The following EGFR variants were observed in gnomAD, a reference collection of about 807,000 sequenced individuals.
EGFR encodes epidermal growth factor receptor.
A neutral mutation model predicts 143.0 loss-of-function variants in EGFR; 58 were observed. The observed-to-expected ratio is 0.41, with a 90% CI of 0.33 to 0.50. EGFR has a LOEUF of 0.50. Ranked by LOEUF, EGFR falls within the 20% of genes least tolerant of loss-of-function variation. EGFR has a pLI of 0.39. For missense variants in EGFR, 1,307 were observed against 1,579.0 expected, an observed-to-expected ratio of 0.83 and a Z score of 2.92; for synonymous variants, 613 against 594.4, an observed-to-expected ratio of 1.03 and a Z score of -0.45.
At chr7:55,176,430 C>T (rs1440509791) in intron 19 of EGFR, among the ~76,000 whole-genome samples, 3 of 152,092 alleles carry the variant, frequency 2.0e-5, no homozygotes, top group Non-Finnish European at 4.4e-5. Flanking sequence ...ACATCTGAAG[C>T]GTCCATGGGC....
intron 1 of EGFR, among the ~76,000 whole-genome samples, chr7:55,074,881 A>G (rs1790047672): frequency 6.6e-6 from 1 of 152,246 alleles, no homozygotes; most frequent in South Asian, 2.1e-4. Context: ...ATTTTCATCC[A>G]GAATTTGAAC....
At chr7:55,199,473 T>G (rs147047529) in intron 23 of EGFR, among the ~76,000 whole-genome samples, 2 of 152,350 alleles carry the variant, frequency 1.3e-5, no homozygotes, top group East Asian at 3.9e-4. Flanking sequence ...GCCAAGTTAA[T>G]GTAAATATTA....
rs1271212238 is a variant in EGFR at position 55,019,162 on chromosome 7, G to C, written c.-116G>C. On this transcript the variant is annotated 5_prime_UTR_variant, in exon 1 of 28. Transcript: ENST00000275493. ...CCCAGACCGGACGACAGGCCACCTC[G>C]TCGGCGTCCGCCCGAGTCCCCGCCT... The C allele has an allele frequency of 3.6e-6, 3 of 837,110 alleles. No individual in the cohort carries two copies. Among genetic ancestry groups the C allele is most frequent in the Admixed American group, 2.8e-5 (1 of 35,192 alleles). The allele number at this position is 837,110 out of a possible 1,614,324, so 51.9% of individuals were successfully genotyped here. A position where few individuals can be genotyped will look rare whatever the true frequency, so the allele number is the denominator to read the frequency against.
At chr7:55,027,989 A>ATAT (rs1427050656) in intron 1 of EGFR, among the ~76,000 whole-genome samples, 80 of 73,968 alleles carry the variant, frequency 1.1e-3, no homozygotes, top group South Asian at 3.7e-3. Flanking sequence ...AAAAAAAAAA[A>ATAT]AAATATATAT....
At chr7:55,121,149 G>T (rs1420025843) in intron 1 of EGFR, among the ~76,000 whole-genome samples, 1 of 152,174 alleles carries the variant, frequency 6.6e-6, no homozygotes, top group Admixed American at 6.5e-5. Context: ...GAAAACAAGA[G>T]CTCCTCACAC....
intron 1 of EGFR, among the ~76,000 whole-genome samples, chr7:55,021,774 C>T (rs796778979): frequency 6.6e-5 from 10 of 152,266 alleles, no homozygotes; most frequent in African/African-American, 2.4e-4. Context: ...TGCCAGACAC[C>T]ATTTCATGAG....
At chr7:55,127,400 AC>A (rs1449065367) in intron 1 of EGFR, among the ~76,000 whole-genome samples, 1 of 152,134 alleles carries the variant, frequency 6.6e-6, no homozygotes, top group Non-Finnish European at 1.5e-5. Flanking sequence ...AAGTGTTACC[AC>A]ATTTTCCAAG....
intron 1 of EGFR, among the ~76,000 whole-genome samples, chr7:55,062,972 C>G (rs572788441): frequency 1.5e-3 from 232 of 152,044 alleles, no homozygotes; most frequent in Non-Finnish European, 2.8e-3. Context: ...CCACGGTTCC[C>G]TTTTTACAGG....
At chr7:55,127,422 C>G (rs911445071) in intron 1 of EGFR, among the ~76,000 whole-genome samples, 22 of 152,182 alleles carry the variant, frequency 1.4e-4, no homozygotes, top group African/African-American at 5.1e-4. Context: ...TGGGAGGCAT[C>G]TATATCCTTA....
Position 55,019,067 on chromosome 7 carries a change from C to A in EGFR, c.-211C>A, listed in dbSNP as rs987343349. 3 of 275,852 alleles carry A rather than the reference C, an allele frequency of 1.1e-5. No individual in the cohort carries two copies. The highest frequency in any genetic ancestry group is 6.6e-5 in the East Asian group (1 of 15,246). The allele number at this position is 275,852 out of a possible 1,614,324, so 17.1% of individuals were successfully genotyped here. ...GCGCGGCCGCAGCAGCCTCCGCCCCCCGCACGGTGTGAGCGCCCGACGCGG... is the reference window on the plus strand; with the variant it reads ...GCGCGGCCGCAGCAGCCTCCGCCCCACGCACGGTGTGAGCGCCCGACGCGG... On this transcript the variant is annotated 5_prime_UTR_variant, in exon 1 of 28. Transcript: ENST00000275493.
At chr7:55,194,751 A>C (rs1461642996) in intron 22 of EGFR, among the ~76,000 whole-genome samples, 1 of 152,194 alleles carries the variant, frequency 6.6e-6, no homozygotes, top group Non-Finnish European at 1.5e-5. Context: ...TGATGTGGTC[A>C]CACCCATTCT....
chr7:55,062,386 A>G (rs535668035), intron 1 of EGFR, among the ~76,000 whole-genome samples: 5 of 152,206 alleles, frequency 3.3e-5, no homozygotes, highest in Non-Finnish European at 5.9e-5. Flanking sequence ...AAGGTTAAAC[A>G]GTAGAGACAT....
At chr7:55,072,817 C>T (rs1305840289) in intron 1 of EGFR, among the ~76,000 whole-genome samples, 2 of 152,188 alleles carry the variant, frequency 1.3e-5, no homozygotes, top group Non-Finnish European at 2.9e-5. Context: ...TGTCTGGAGT[C>T]AGTGAACCTG....
At chr7:55,084,706 G>A (rs930219439) in intron 1 of EGFR, among the ~76,000 whole-genome samples, 7 of 152,220 alleles carry the variant, frequency 4.6e-5, no homozygotes, top group African/African-American at 9.7e-5. Context: ...GTCAAGTGAC[G>A]GATGAAGGCA....
At chr7:55,087,494 G>C (rs534062501) in intron 1 of EGFR, among the ~76,000 whole-genome samples, 42 of 152,282 alleles carry the variant, frequency 2.8e-4, no homozygotes, top group Non-Finnish European at 5.6e-4. Flanking sequence ...GAAGGGATAA[G>C]AGCCATGCTT....
intron 1 of EGFR, among the ~76,000 whole-genome samples, chr7:55,132,727 G>A (rs1793924250): frequency 6.6e-6 from 1 of 152,184 alleles, no homozygotes; most frequent in South Asian, 2.1e-4. Context: ...GATGTCCTGT[G>A]ACTGTTTCAT....
At chr7:55,126,553 G>T (rs912490779) in intron 1 of EGFR, among the ~76,000 whole-genome samples, 1 of 152,160 alleles carries the variant, frequency 6.6e-6, no homozygotes, top group African/African-American at 2.4e-5. Context: ...CAGGACCCAT[G>T]CATTCAAAGA....
intron 15 of EGFR, 92 bp downstream of exon 15, chr7:55,165,529 G>A (rs527705966): frequency 1.7e-4 from 255 of 1,506,202 alleles, no homozygotes; most frequent in African/African-American, 6.1e-4. Flanking sequence ...ACAAATTGCC[G>A]AGGTTTGTAT....
At chr7:55,171,014 A>G (rs768686299) in intron 15 of EGFR, 161 bp from the exon 16 acceptor site, 27 of 1,482,918 alleles carry the variant, frequency 1.8e-5, no homozygotes, top group Non-Finnish European at 2.3e-5. Flanking sequence ...TAAATGCATA[A>G]TAAATAATTA....
Sources: gnomAD v4.1 joint callset for allele counts (sites outside exome capture counted in the v4.1 genomes callset) on GRCh38, gnomAD v4.1.1 for gene constraint, MANE v1.5 for transcripts, NCBI Gene and HGNC (gene_info 2026-07-23, HGNC 2026-07-21) for gene names.